The following LANCL3 variants were observed in gnomAD, a reference collection of about 807,000 sequenced individuals.
The protein encoded by LANCL3 is lanC-like protein 3.
In LANCL3, 19 loss-of-function variants were observed where a neutral mutation model predicts 26.5. The observed-to-expected ratio is 0.72, with a 90% CI of 0.50 to 1.05. The LOEUF (loss-of-function observed/expected upper bound fraction) is 1.05, where lower values mean the gene tolerates loss of function less well. Ranked by LOEUF, LANCL3 falls within the 50% of genes least tolerant of loss-of-function variation. The pLI, the probability that LANCL3 is intolerant of heterozygous loss-of-function variation, is 0.00. For synonymous variants in LANCL3, 160 were observed against 166.6 expected (o/e 0.96, Z 0.30); for missense variants, 318 against 362.7 (o/e 0.88, Z 1.00).
intron 1 of LANCL3, among the ~76,000 whole-genome samples, chrX:37,605,764 C>A (rs1390558426): frequency 2.7e-5 from 3 of 111,479 alleles, no homozygotes; most frequent in Non-Finnish European, 5.7e-5. Context: ...ACCTTTTTGA[C>A]GAGACCTACA....
intron 1 of LANCL3, among the ~76,000 whole-genome samples, chrX:37,633,435 A>C (rs1453768573): frequency 9.0e-6 from 1 of 111,635 alleles, no homozygotes; most frequent in Non-Finnish European, 1.9e-5. Flanking sequence ...ACCTCGTCAA[A>C]GTCATTCTCC....
intron 1 of LANCL3, among the ~76,000 whole-genome samples, chrX:37,639,509 T>C (rs916637689): frequency 9.1e-6 from 1 of 109,826 alleles, no homozygotes; most frequent in African/African-American, 3.3e-5. Context: ...AAATGGTCAG[T>C]AGTATTTTGT....
chrX:37,610,160 A>G (rs1003142758), intron 1 of LANCL3, among the ~76,000 whole-genome samples: 6 of 112,059 alleles, frequency 5.4e-5, no homozygotes, highest in African/African-American at 1.6e-4. Flanking sequence ...ATGGGTGGCA[A>G]GTTGGTACTG....
intron 1 of LANCL3, among the ~76,000 whole-genome samples, chrX:37,604,874 A>C (rs936971102): frequency 3.6e-5 from 4 of 112,665 alleles, no homozygotes; most frequent in African/African-American, 1.3e-4. Flanking sequence ...AAATAGCAAA[A>C]GTCATTGATG....
intron 1 of LANCL3, among the ~76,000 whole-genome samples, chrX:37,579,833 T>C (rs782246673): frequency 3.6e-5 from 4 of 111,823 alleles, no homozygotes; most frequent in African/African-American, 1.3e-4. Flanking sequence ...ATTTTTTATT[T>C]GATAGAGGAT....
At position 37,571,724 on chromosome X, in the gene LANCL3, T is replaced by G. The variant is rs1352464318; in HGVS notation, c.-147T>G. The G allele has an allele frequency of 6.6e-6, 3 of 455,990 alleles. No individual in the cohort carries two copies. Among genetic ancestry groups the G allele is most frequent in the Non-Finnish European group, 1.1e-5 (3 of 283,404 alleles). 37.6% of individuals were successfully genotyped at this position (455,990 alleles called of 1,213,427 possible). A position where few individuals can be genotyped will look rare whatever the true frequency, so the allele number is the denominator to read the frequency against. On this transcript the variant is annotated 5_prime_UTR_variant, in exon 1 of 5. Transcript: ENST00000378619. ...CATCCGCTCCTTGCCCGCCTCCTCT[T>G]GTCACCTCCCGTCTCATCCTTCTCG...
At chrX:37,650,902 C>T (rs782767812) in intron 1 of LANCL3, among the ~76,000 whole-genome samples, 39 of 86,382 alleles carry the variant, frequency 4.5e-4, no homozygotes, top group African/African-American at 1.4e-3. Flanking sequence ...ACGACAGGCC[C>T]CAGTGTGTGA....
chrX:37,627,225 G>C (rs1925339880), intron 1 of LANCL3, among the ~76,000 whole-genome samples: 1 of 111,783 alleles, frequency 8.9e-6, no homozygotes, highest in African/African-American at 3.3e-5. Context: ...TTTATTTCTG[G>C]CTCGGCAGTA....
At chrX:37,577,382 A>G (rs782780512) in intron 1 of LANCL3, among the ~76,000 whole-genome samples, 1 of 112,960 alleles carries the variant, frequency 8.9e-6, no homozygotes, top group Admixed American at 9.3e-5. Context: ...ACATTAAATA[A>G]GATTTTACAG....
intron 1 of LANCL3, among the ~76,000 whole-genome samples, chrX:37,599,675 G>C (rs1924531075): frequency 8.9e-6 from 1 of 112,365 alleles, no homozygotes; most frequent in Admixed American, 9.4e-5. Context: ...TTGGTGCACT[G>C]TTCAGAGCAC....
chrX:37,674,395 G>A (rs1556436858), intron 4 of LANCL3, among the ~76,000 whole-genome samples: 1 of 111,536 alleles, frequency 9.0e-6, no homozygotes, highest in Non-Finnish European at 1.9e-5. Flanking sequence ...AATTTAATGT[G>A]TTAGCAAATA....
chrX:37,683,182 A>C lies in LANCL3; in HGVS notation c.*7369A>C, dbSNP rs1308733081. The stretch of plus-strand genomic sequence containing the variant: ...ACAGAAATATAATTGTATCATTGAA[A>C]AAAACAAAGCTCACCTTCCTAATGA... On this transcript the variant is annotated 3_prime_UTR_variant, in exon 5 of 5. Transcript: ENST00000378619. 3 of 111,883 alleles carry C rather than the reference A, an allele frequency of 2.7e-5. No homozygotes were observed. Among genetic ancestry groups the C allele is most frequent in the African/African-American group, 9.7e-5 (3 of 30,790 alleles). The allele number at this position is 111,883 out of a possible 1,213,427, so 9.2% of individuals were successfully genotyped here. A position where few individuals can be genotyped will look rare whatever the true frequency, so the allele number is the denominator to read the frequency against.
chrX:37,642,708 G>T (rs1196182506), intron 1 of LANCL3, among the ~76,000 whole-genome samples: 3 of 112,072 alleles, frequency 2.7e-5, no homozygotes, highest in Non-Finnish European at 5.6e-5. Flanking sequence ...GGAATGCAGG[G>T]TACTTGGCAA....
At chrX:37,578,270 C>T (rs1360267587) in intron 1 of LANCL3, among the ~76,000 whole-genome samples, 2 of 112,070 alleles carry the variant, frequency 1.8e-5, no homozygotes, top group Non-Finnish European at 3.8e-5. Flanking sequence ...GTTCTAGTTT[C>T]AGGGAGGCTG....
At chrX:37,578,063 TCA>T (rs368875033) in intron 1 of LANCL3, among the ~76,000 whole-genome samples, 172 of 112,485 alleles carry the variant, frequency 1.5e-3, no homozygotes, top group African/African-American at 5.3e-3. Context: ...TCTGCTATTC[TCA>T]GTGTTTGAGC....
intron 1 of LANCL3, among the ~76,000 whole-genome samples, chrX:37,606,166 C>T (rs782312557): frequency 7.1e-5 from 8 of 111,915 alleles, no homozygotes; most frequent in Admixed American, 1.9e-4. Context: ...AATTCCCCTA[C>T]CAATGGGTTA....
intron 1 of LANCL3, among the ~76,000 whole-genome samples, chrX:37,631,119 G>C (rs1556424194): frequency 2.7e-5 from 3 of 111,743 alleles, no homozygotes; most frequent in Non-Finnish European, 5.7e-5. Flanking sequence ...ATTATTGCCA[G>C]AATTTCAGAT....
At position 37,667,283 on chromosome X, in the gene LANCL3, A is replaced by C. The variant is rs2146790541; in HGVS notation, c.897A>C (p.Gly299=). 4 of 1,105,089 alleles carry C rather than the reference A, an allele frequency of 3.6e-6. No individual in the cohort carries two copies. The East Asian group carries it at 1.3e-4, about 37-fold the overall frequency. 91.1% of individuals were successfully genotyped at this position (1,105,089 alleles called of 1,213,427 possible). The change falls in exon 4 of 5, where the codon GGA becomes GGC. Residue 299 remains glycine (G), a splice_region_variant and synonymous_variant. Transcript: ENST00000378619. Reference sequence around the variant, plus strand: ...CTAATATCTTTGATGTTTTCACAGGAATTGCCTATCTGTTTGCCAAAGCTT... The same window carrying C: ...CTAATATCTTTGATGTTTTCACAGGCATTGCCTATCTGTTTGCCAAAGCTT... The part of the protein sequence containing the change: ...ELVHWCHGAP[G]IAYLFAKAYL...
intron 1 of LANCL3, among the ~76,000 whole-genome samples, chrX:37,633,741 G>A (rs782672709): frequency 6.9e-4 from 77 of 111,769 alleles, no homozygotes; most frequent in Non-Finnish European, 1.2e-3. Context: ...CTGCAGAACA[G>A]TGGATTTTCG....
Sources: allele counts gnomAD v4.1 joint callset (sites outside exome capture counted in the v4.1 genomes callset), GRCh38; gene constraint gnomAD v4.1.1; transcripts MANE v1.5; gene names NCBI Gene and HGNC (gene_info 2026-07-23, HGNC 2026-07-21).